Variants in RARA observed in about 807,000 individuals in gnomAD.
RARA encodes the protein retinoic acid receptor alpha, also known as PML-DDX5-RARA fusion.
RARA carries 5 observed loss-of-function variants against 42.8 expected under a neutral mutation model. The ratio of observed to expected loss-of-function variants is 0.12; its 90% CI spans 0.06 to 0.25. The LOEUF is 0.25. Ranked by LOEUF, RARA falls within the 10% of genes least tolerant of loss-of-function variation. The pLI is 1.00. For synonymous variants in RARA, 256 were observed against 259.5 expected (o/e 0.99, Z 0.13); for missense variants, 402 against 628.7 (o/e 0.64, Z 3.86).
intron 1 of RARA, among the ~76,000 whole-genome samples, chr17:40,313,705 A>G (rs1276066583): frequency 6.6e-6 from 1 of 151,918 alleles, no homozygotes; most frequent in African/African-American, 2.4e-5. Context: ...AACATCTCCT[A>G]TTCCTCTGCT....
rs532909053 is a variant in RARA at position 40,349,461 on chromosome 17, C to T, written c.328-323C>T. 9.7e-5 allele frequency: 27 copies of T among 278,808 alleles called. No individual in the cohort carries two copies. In the South Asian group the frequency reaches 1.3e-3, roughly 14 times the overall value. The allele number at this position is 278,808 out of a possible 1,614,324, so 17.3% of individuals were successfully genotyped here. A position where few individuals can be genotyped will look rare whatever the true frequency, so the allele number is the denominator to read the frequency against. On this transcript the variant is annotated intron_variant, in intron 3 of 8. Coordinates refer to ENST00000254066, the MANE Select transcript of RARA (RefSeq NM_000964.4). The stretch of plus-strand genomic sequence containing the variant: ...GGGTTCCAGATCCCTGGCTGTTGCC[C>T]AGTTAGCCCCATGTCTTCCTATTTC...
chr17:40,331,521 C>T, intron 2 of RARA, 125 bp downstream of exon 2: 1 of 1,168,476 alleles, frequency 8.6e-7, no homozygotes, highest in Non-Finnish European at 1.2e-6. Flanking sequence ...AGGTCTTCTC[C>T]AGTTGGGGTG....
At chr17:40,332,718 C>T (rs1282106762) in intron 2 of RARA, among the ~76,000 whole-genome samples, 3 of 152,232 alleles carry the variant, frequency 2.0e-5, no homozygotes, top group Admixed American at 6.5e-5. Context: ...CCCTTTATGC[C>T]CTGGGGCCAG....
chr17:40,316,824 T>C (rs985401505), intron 1 of RARA, among the ~76,000 whole-genome samples: 3 of 72,684 alleles, frequency 4.1e-5, no homozygotes, highest in Admixed American at 1.7e-4. Flanking sequence ...CGGGAGGGGC[T>C]GGGCGGGAGG....
intron 1 of RARA, among the ~76,000 whole-genome samples, chr17:40,317,124 GT>G (rs891935313): frequency 6.6e-6 from 1 of 152,256 alleles, no homozygotes; most frequent in African/African-American, 2.4e-5. Flanking sequence ...GTAAAGCGGG[GT>G]CCGTCGGACC....
At chr17:40,346,637 AC>A (rs1470296625) in intron 2 of RARA, among the ~76,000 whole-genome samples, 1 of 143,022 alleles carries the variant, frequency 7.0e-6, no homozygotes, top group Non-Finnish European at 1.5e-5. Flanking sequence ...AGGCCCCCCA[AC>A]CCCGCCCCCC....
At chr17:40,333,152 C>T (rs2033747754) in intron 2 of RARA, among the ~76,000 whole-genome samples, 1 of 152,140 alleles carries the variant, frequency 6.6e-6, no homozygotes, top group African/African-American at 2.4e-5. Flanking sequence ...CGGAATCAAG[C>T]AACTCTTCCG....
At position 40,356,337 on chromosome 17, in the gene RARA, G is replaced by A. The variant is rs1314852792; in HGVS notation, c.*111G>A. On this transcript the variant is annotated 3_prime_UTR_variant, in exon 9 of 9. Coordinates refer to ENST00000254066, the MANE Select transcript of RARA (RefSeq NM_000964.4). ...CTGCCCCCACCTGCCCTCCCGGGCA[G>A]TACTGGGGACCTTCCCTGGGGGACG... is the stretch of plus-strand genomic sequence containing the variant. 1 of 1,221,740 alleles carries A rather than the reference G, an allele frequency of 8.2e-7. No homozygotes were observed. The highest frequency in any genetic ancestry group is 1.3e-5 in the South Asian group (1 of 77,704). The allele number at this position is 1,221,740 out of a possible 1,614,324, so 75.7% of individuals were successfully genotyped here.
chr17:40,355,509 A>G lies in RARA; in HGVS notation c.1171+88A>G. On this transcript the variant is annotated intron_variant, in intron 8 of 8. Coordinates refer to ENST00000254066, the MANE Select transcript of RARA (RefSeq NM_000964.4). The surrounding 1 kb of genome is among the most constrained non-coding windows in gnomAD (Gnocchi z 4.1). ...AGCCAGCACCCCATGTCTTTGTGCC[A>G]GGACAATACGACACCTGTCCCCATC... 2.0e-6 allele frequency: 3 copies of G among 1,478,000 alleles called. No individual in the cohort carries two copies. Among genetic ancestry groups the G allele is most frequent in the South Asian group, 2.7e-5 (2 of 75,322 alleles). 91.6% of individuals were successfully genotyped at this position (1,478,000 alleles called of 1,614,324 possible).
In RARA at chr17:40,320,805, A is replaced by C. The variant is rs1329238260; in HGVS notation, c.-362-10052A>C. On this transcript the variant is annotated intron_variant, in intron 1 of 8. Transcript: ENST00000254066. The surrounding 1 kb of genome is among the most constrained non-coding windows in gnomAD (Gnocchi z 4.1). ...CTGCCTGGGATCTGGGGTGATAGGC[A>C]TCTGGGGATGGTAATCCTGTCCCTG... Among the ~76,000 whole-genome samples, 1 of 152,148 alleles carries C rather than the reference A, an allele frequency of 6.6e-6. No individual in the cohort carries two copies. Among genetic ancestry groups the C allele is most frequent in the Non-Finnish European group, 1.5e-5 (1 of 68,022 alleles).
Position 40,355,252 on chromosome 17 carries a change from T to C in RARA, c.1013-11T>C, listed in dbSNP as rs1417709530. 3.2e-6 allele frequency: 5 copies of C among 1,558,588 alleles called. No homozygotes were observed. In the East Asian group the frequency reaches 1.2e-4, roughly 38 times the overall value. On this transcript the variant is annotated splice_polypyrimidine_tract_variant and intron_variant, in intron 7 of 8. Coordinates refer to ENST00000254066, the MANE Select transcript of RARA (RefSeq NM_000964.4). The surrounding 1 kb of genome is among the most constrained non-coding windows in gnomAD (Gnocchi z 4.1). The stretch of plus-strand genomic sequence containing the variant: ...TTCCCAGCTGCTCAGGGGGTGGTTC[T>C]GCTTCCTCAGACCGCCAGGACCTGG...
chr17:40,323,506 G>C (rs774455962), intron 1 of RARA, among the ~76,000 whole-genome samples: 1 of 151,842 alleles, frequency 6.6e-6, no homozygotes, highest in Non-Finnish European at 1.5e-5. Context: ...TGGGGCTGGG[G>C]AGGTGGGGGC....
At chr17:40,329,550 C>G (rs988168613) in intron 1 of RARA, among the ~76,000 whole-genome samples, 3 of 152,102 alleles carry the variant, frequency 2.0e-5, no homozygotes, top group African/African-American at 7.2e-5. Context: ...AAACTCCTGA[C>G]CTCAGGTGAT....
At chr17:40,342,318 C>T in intron 2 of RARA, 2 of 1,069,988 alleles carry the variant, frequency 1.9e-6, no homozygotes, top group Non-Finnish European at 2.3e-6. Context: ...TGCTCGTTGA[C>T]CCCCAGCCCC....
At position 40,352,018 on chromosome 17, in the gene RARA, A is replaced by C; in HGVS notation, c.578A>C (p.Lys193Thr). The change falls in exon 5 of 9, where the codon AAA becomes ACA. Residue 193 changes from lysine to threonine, a missense_variant. Transcript: ENST00000254066. This position sits in a 1 kb window ranked among gnomAD's most constrained non-coding sequence, Gnocchi z 4.9. ...EVGELIEKVR[K>T]AHQETFPALC... ...GGGGAGCTCATTGAGAAGGTGCGCA[A>C]AGCGCACCAGGAAACCTTCCCTGCC... is the stretch of plus-strand genomic sequence containing the variant. The C allele has an allele frequency of 6.3e-7, 1 of 1,592,038 alleles. No homozygotes were observed. Among genetic ancestry groups the C allele is most frequent in the Non-Finnish European group, 8.5e-7 (1 of 1,173,406 alleles).
rs1354914800 is a variant in RARA, at chr17:40,354,288, T to C, written c.808-14T>C. 1.3e-5 allele frequency: 21 copies of C among 1,613,006 alleles called. No homozygotes were observed. The highest frequency in any genetic ancestry group is 1.8e-5 in the Non-Finnish European group (21 of 1,179,538). On this transcript the variant is annotated splice_polypyrimidine_tract_variant and intron_variant, in intron 6 of 8. Coordinates refer to ENST00000254066, the MANE Select transcript of RARA (RefSeq NM_000964.4). This position sits in a 1 kb window ranked among gnomAD's most constrained non-coding sequence, Gnocchi z 4.5. Reference sequence around the variant, plus strand: ...CGGGTTCAGTCCCTGAACCCAAGCATCCTCTGCACCCAGATCCTGCGGATC... The same window carrying C: ...CGGGTTCAGTCCCTGAACCCAAGCACCCTCTGCACCCAGATCCTGCGGATC...
intron 2 of RARA, among the ~76,000 whole-genome samples, chr17:40,336,636 C>T (rs559433972): frequency 3.3e-5 from 5 of 152,264 alleles, no homozygotes; most frequent in Admixed American, 2.6e-4. Flanking sequence ...AATCCGCCTG[C>T]CTCGGCCTCC....
chr17:40,330,647 G>A (rs2033666478), intron 1 of RARA, among the ~76,000 whole-genome samples: 1 of 152,124 alleles, frequency 6.6e-6, no homozygotes, highest in Non-Finnish European at 1.5e-5. Flanking sequence ...CTCTGTCCCT[G>A]TCTCCCCAGC....
In RARA at chr17:40,352,821, T is replaced by C. The variant is rs1418498997; in HGVS notation, c.807+314T>C. Reference sequence around the variant, plus strand: ...CAGGTGCAGTGGCTCATACCTGTAATCCCAGCACTTTGGGAGGCCGAGCGA... The same window carrying C: ...CAGGTGCAGTGGCTCATACCTGTAACCCCAGCACTTTGGGAGGCCGAGCGA... On this transcript the variant is annotated intron_variant, in intron 6 of 8. Coordinates refer to ENST00000254066, the MANE Select transcript of RARA (RefSeq NM_000964.4). This position sits in a 1 kb window ranked among gnomAD's most constrained non-coding sequence, Gnocchi z 4.9. Among the ~76,000 whole-genome samples the C allele has an allele frequency of 6.6e-6, 1 of 152,150 alleles. No individual in the cohort carries two copies. The highest frequency in any genetic ancestry group is 2.4e-5 in the African/African-American group (1 of 41,426).
Sources: allele counts gnomAD v4.1 joint callset (sites outside exome capture counted in the v4.1 genomes callset), GRCh38; gene constraint gnomAD v4.1.1; non-coding constraint Gnocchi (gnomAD v3.1); transcripts MANE v1.5; gene names NCBI Gene and HGNC (gene_info 2026-07-23, HGNC 2026-07-21).